PTPRD: variants seen among roughly 807,000 people sequenced by gnomAD.
The protein encoded by PTPRD is protein tyrosine phosphatase receptor type D.
A neutral mutation model predicts 214.5 loss-of-function variants in PTPRD; 34 were observed. The ratio of observed to expected loss-of-function variants is 0.16; its 90% CI spans 0.12 to 0.21. PTPRD has a LOEUF of 0.21. Ranked by LOEUF, PTPRD falls within the 10% of genes least tolerant of loss-of-function variation. The probability of loss-of-function intolerance (pLI) is 1.00; values close to 1 mark genes in which losing one functional copy is unlikely to be tolerated. For missense variants in PTPRD, 2,545 were observed against 2,398.7 expected, an observed-to-expected ratio of 1.06 and a Z score of -1.27; for synonymous variants, 1,128 against 845.7, an observed-to-expected ratio of 1.33 and a Z score of -5.79.
rs371871682 is a variant in PTPRD, at chr9:9,191,795, C to T, written c.-202-8432G>A. Among the ~76,000 whole-genome samples the T allele has an allele frequency of 2.0e-5, 3 of 152,048 alleles. No individual in the cohort carries two copies. In the East Asian group the frequency reaches 5.8e-4, roughly 30 times the overall value. On this transcript the variant is annotated intron_variant, in intron 9 of 45. Transcript: ENST00000381196. ...TTTATATAGGTATTAGCAAGCATCT[C>T]TAAATGCAAATAAAATATTAAGATA... is the stretch of plus-strand genomic sequence containing the variant.
chr9:10,473,957 G>C (rs952333435), intron 2 of PTPRD, among the ~76,000 whole-genome samples: 6 of 151,986 alleles, frequency 3.9e-5, no homozygotes, highest in African/African-American at 1.4e-4. Context: ...TCACTACCAG[G>C]CCTGCTTTAC....
intron 9 of PTPRD, among the ~76,000 whole-genome samples, chr9:9,208,020 C>CTTTTTTGTTTTTTTTTT (rs2099946006): frequency 1.9e-5 from 1 of 53,260 alleles, no homozygotes; most frequent in African/African-American, 5.4e-5. Flanking sequence ...TATATATCTG[C>CTTTTTTGTTTTTTTTTT]TTTTTTTTTT....
intron 14 of PTPRD, among the ~76,000 whole-genome samples, chr9:8,585,711 T>C (rs1157157108): frequency 3.9e-5 from 6 of 152,222 alleles, no homozygotes; most frequent in Non-Finnish European, 8.8e-5. Flanking sequence ...ATGTCTGCCA[T>C]GTGTGAAAGT....
intron 11 of PTPRD, among the ~76,000 whole-genome samples, chr9:8,982,493 C>T (rs2099317869): frequency 6.7e-6 from 1 of 149,566 alleles, no homozygotes. Context: ...GATTCTTCCA[C>T]ATTTGTACCA....
At chr9:9,483,540 G>C (rs1403666096) in intron 8 of PTPRD, among the ~76,000 whole-genome samples, 4 of 152,086 alleles carry the variant, frequency 2.6e-5, no homozygotes, top group Non-Finnish European at 5.9e-5. Flanking sequence ...AGAGTCTAAA[G>C]ACAAATTAGG....
chr9:9,673,917 T>TA (rs1411271718), intron 7 of PTPRD, among the ~76,000 whole-genome samples: 1 of 151,734 alleles, frequency 6.6e-6, no homozygotes, highest in African/African-American at 2.4e-5. Context: ...ACTCCCAATA[T>TA]AGAACACTAT....
At chr9:10,054,058 G>A (rs1430178840) in intron 3 of PTPRD, among the ~76,000 whole-genome samples, 2 of 151,884 alleles carry the variant, frequency 1.3e-5, no homozygotes, top group Non-Finnish European at 2.9e-5. Context: ...CACACCCTGC[G>A]ACTTTAAAAC....
chr9:8,736,765 G>C (rs747404803), intron 11 of PTPRD, among the ~76,000 whole-genome samples: 1 of 151,408 alleles, frequency 6.6e-6, no homozygotes, highest in Non-Finnish European at 1.5e-5. Flanking sequence ...AAAACTTCTT[G>C]AATCCAGAAG....
chr9:8,545,617 T>G (rs752328317), intron 14 of PTPRD, among the ~76,000 whole-genome samples: 18 of 152,200 alleles, frequency 1.2e-4, no homozygotes, highest in Non-Finnish European at 2.6e-4. Context: ...GTCATGCTCT[T>G]TGGTAAATAT....
rs541633404 is a variant in PTPRD, at chr9:10,424,080, A to G, written c.-599-83063T>C. On this transcript the variant is annotated intron_variant, in intron 2 of 45. Transcript: ENST00000381196. ...GCAAGAAAATAGATTACATTAAAACATTTTGTTTGAGTTAAATGTGTGCCT... is the reference window on the plus strand; with the variant it reads ...GCAAGAAAATAGATTACATTAAAACGTTTTGTTTGAGTTAAATGTGTGCCT... Among the ~76,000 whole-genome samples the G allele has an allele frequency of 8.5e-5, 13 of 152,132 alleles. No individual in the cohort carries two copies. In the South Asian group the frequency reaches 2.3e-3, roughly 27 times the overall value.
intron 7 of PTPRD, among the ~76,000 whole-genome samples, chr9:9,667,537 T>C (rs147023300): frequency 3.1e-4 from 47 of 152,260 alleles, no homozygotes; most frequent in Admixed American, 5.9e-4. Flanking sequence ...TTATGTGTAG[T>C]AGCATTTTCT....
intron 8 of PTPRD, among the ~76,000 whole-genome samples, chr9:9,469,875 C>T (rs957870207): frequency 1.3e-5 from 2 of 152,036 alleles, no homozygotes; most frequent in Admixed American, 1.3e-4. Context: ...GGTCAGAATA[C>T]CGTAAGTTCA....
At chr9:8,518,972 T>C (rs1025311854) in intron 20 of PTPRD, among the ~76,000 whole-genome samples, 4 of 152,086 alleles carry the variant, frequency 2.6e-5, no homozygotes, top group African/African-American at 9.7e-5. Context: ...CGATAAACAT[T>C]GAAAAGAACA....
intron 7 of PTPRD, among the ~76,000 whole-genome samples, chr9:9,599,014 T>C (rs2093568515): frequency 1.3e-5 from 2 of 152,028 alleles, no homozygotes; most frequent in Non-Finnish European, 2.9e-5. Flanking sequence ...TTTACACTGC[T>C]AGAAAAATGG....
rs2821507 is a variant in PTPRD at position 9,772,611 on chromosome 9, T to C, written c.-367-5760A>G. 1.5e-4 allele frequency among the ~76,000 whole-genome samples: 23 copies of C among 152,008 alleles called. 2 individuals carry two copies. In the East Asian group the frequency reaches 4.5e-3, roughly 30 times the overall value. ...CTAAAGCAATCTATTGACCTGAAGA[T>C]TGTCTATCACAAACACTTTAGTTAC... On this transcript the variant is annotated intron_variant, in intron 5 of 45. Transcript: ENST00000381196.
At position 8,460,489 on chromosome 9, in the gene PTPRD, C is replaced by T; in HGVS notation, c.3797G>A (p.Gly1266Asp). The T allele has an allele frequency of 6.2e-7, 1 of 1,613,554 alleles. No individual in the cohort carries two copies. Among genetic ancestry groups the T allele is most frequent in the Non-Finnish European group, 8.5e-7 (1 of 1,179,670 alleles). ...GACAGGACCTACAACCCAGATCAAG[C>T]CTTCTTCTTCATCCGTGATTGGCTG... The part of the protein sequence containing the change: ...DPQPITDEEE[G>D]LIWVVGPVLA... The change falls in exon 33 of 46, where the codon GGC becomes GAC. Residue 1266 changes from glycine (G) to aspartate (D), a missense_variant. Physicochemically the swap from Gly to Asp is moderately conservative, Grantham distance 94. Transcript: ENST00000381196.
chr9:9,147,279 G>A (rs182355276), intron 10 of PTPRD, among the ~76,000 whole-genome samples: 248 of 151,832 alleles, frequency 1.6e-3, no homozygotes, highest in African/African-American at 5.8e-3. Context: ...CAGTGACTCT[G>A]GAACTCCCAA....
At chr9:8,748,580 C>A (rs940805728) in intron 11 of PTPRD, among the ~76,000 whole-genome samples, 6 of 149,438 alleles carry the variant, frequency 4.0e-5, no homozygotes, top group East Asian at 2.0e-4. Flanking sequence ...TACTTCTTCC[C>A]GTAATTGTCA....
intron 4 of PTPRD, among the ~76,000 whole-genome samples, chr9:10,031,711 A>G (rs922929043): frequency 2.7e-5 from 4 of 147,598 alleles, no homozygotes; most frequent in African/African-American, 1.0e-4. Context: ...CCTACTACAA[A>G]TACGTCTTTA....
Sources: gnomAD v4.1 joint callset for allele counts (sites outside exome capture counted in the v4.1 genomes callset) on GRCh38, gnomAD v4.1.1 for gene constraint, MANE v1.5 for transcripts, NCBI Gene and HGNC (gene_info 2026-07-23, HGNC 2026-07-21) for gene names.